Variants in ERVFRD-1 observed in about 807,000 individuals in gnomAD.
ERVFRD-1 encodes the protein syncytin-2.
A neutral mutation model predicts 43.8 loss-of-function variants in ERVFRD-1; 33 were observed. The observed-to-expected ratio is 0.75, with a 90% confidence interval of 0.57 to 1.01. The LOEUF (loss-of-function observed/expected upper bound fraction) is 1.01. ERVFRD-1 is among the 50% of genes least tolerant of loss of function. The probability of loss-of-function intolerance (pLI) is 0.00; values close to 1 mark genes in which losing one functional copy is unlikely to be tolerated. For synonymous variants in ERVFRD-1, 239 were observed against 244.4 expected (o/e 0.98, Z 0.21); for missense variants, 568 against 658.4 (o/e 0.86, Z 1.50).
At chr6:11,106,609 T>G (rs1180228551) in intron 1 of ERVFRD-1, among the ~76,000 whole-genome samples, 1 of 152,232 alleles carries the variant, frequency 6.6e-6, no homozygotes, top group African/African-American at 2.4e-5. Context: ...TCAATACCCA[T>G]GTTGGGTGGC....
intron 1 of ERVFRD-1, among the ~76,000 whole-genome samples, chr6:11,109,722 GC>G (rs1332396771): frequency 1.3e-5 from 2 of 152,068 alleles, no homozygotes; most frequent in Non-Finnish European, 2.9e-5. Flanking sequence ...TTCAACCCAG[GC>G]TGTATTACAG....
In ERVFRD-1 at chr6:11,105,281, G is replaced by C. The variant is rs528799043; in HGVS notation, c.30C>G (p.Leu10=). The part of the protein sequence containing the change: MGLLLLVLI[L]TPSLAAYRHP... ...GGCGGTAGGCTGCTAGTGAAGGCGT[G>C]AGAATGAGAACCAGCAGGAGCAGGC... The change falls in exon 2 of 2, where the codon CTC becomes CTG. Residue 10 remains leucine (L), a synonymous_variant. Transcript: ENST00000472091. 5.6e-4 allele frequency: 901 copies of C among 1,613,944 alleles called. 5 individuals are homozygous for C. The South Asian group carries it at 9.3e-3, about 17-fold the overall frequency.
At position 11,105,279 on chromosome 6, in the gene ERVFRD-1, G is replaced by T. The variant is rs755833391; in HGVS notation, c.32C>A (p.Thr11Lys). Reference protein sequence around the residue: MGLLLLVLILTPSLAAYRHPD... With the variant: MGLLLLVLILKPSLAAYRHPD... ...ATGGCGGTAGGCTGCTAGTGAAGGC[G>T]TGAGAATGAGAACCAGCAGGAGCAG... Residue 11 changes from threonine (T) to lysine (K), a missense_variant, in exon 2 of 2, where the codon ACG becomes AAG. By Grantham distance (78) the Thr-to-Lys change is moderately conservative (BLOSUM62 -1). Coordinates refer to ENST00000472091, the MANE Select transcript of ERVFRD-1 (RefSeq NM_207582.3). 64 of 1,613,832 alleles carry T rather than the reference G, an allele frequency of 4.0e-5. No individual in the cohort carries two copies. The highest frequency in any genetic ancestry group is 5.0e-5 in the Non-Finnish European group (59 of 1,179,924).
Position 11,104,303 on chromosome 6 carries a change from T to TG in ERVFRD-1, c.1007dup (p.Ile337AsnfsTer46). On this transcript the variant is annotated frameshift_variant, in exon 2 of 2. Transcript: ENST00000472091. LOFTEE classifies it high-confidence loss of function. ...ACGGGGAATTCCCATAGATTGGTAT[T>TG]GGAAGAGAGAGATTGCCAGGGGCTA... 1 of 1,551,678 alleles carries TG rather than the reference T, an allele frequency of 6.4e-7. No individual in the cohort carries two copies. Among genetic ancestry groups the TG allele is most frequent in the Non-Finnish European group, 8.7e-7 (1 of 1,146,998 alleles).
In ERVFRD-1 at chr6:11,110,729, C is replaced by G. The variant is rs116335509; in HGVS notation, c.-321+948G>C. ...GAAAGCCTTCATATGTTTGCAGAAA[C>G]AGCAGCCCTTGGATTTGAGAGGGCA... is the stretch of plus-strand genomic sequence containing the variant. On this transcript the variant is annotated intron_variant, in intron 1 of 1. Transcript: ENST00000472091. Among the ~76,000 whole-genome samples the G allele has an allele frequency of 2.8e-3, 421 of 152,290 alleles. 5 individuals carry two copies. Among genetic ancestry groups the G allele is most frequent in the African/African-American group, 9.3e-3 (385 of 41,556 alleles).
Position 11,103,790 on chromosome 6 carries a change from T to G in ERVFRD-1, c.1521A>C (p.Ile507=). Reference sequence around the variant, plus strand: ...GAAGGCGAGAGGAGACAAATTGGGTTATTAGATTTAGGAGACATGGACCAA... The same window carrying G: ...GAAGGCGAGAGGAGACAAATTGGGTGATTAGATTTAGGAGACATGGACCAA... ...LLFGPCLLNL[I]TQFVSSRLQA... The change falls in exon 2 of 2, where the codon ATA becomes ATC. Residue 507 remains isoleucine (I), a synonymous_variant. Coordinates refer to ENST00000472091, the MANE Select transcript of ERVFRD-1 (RefSeq NM_207582.3). 1 of 1,551,612 alleles carries G rather than the reference T, an allele frequency of 6.4e-7. No individual in the cohort carries two copies.
At position 11,105,049 on chromosome 6, in the gene ERVFRD-1, G is replaced by C. The variant is rs1250840939; in HGVS notation, c.262C>G (p.Pro88Ala). ...ACTGTTGAAAGAAGACTATTTGCAG[G>C]CCTCATCAGTCCTTTCAGATTAGGG... ...WDPNLKGLMR[P>A]ANSLLSTVKQ... is the part of the protein sequence containing the mutation. The change falls in exon 2 of 2, where the codon CCT becomes GCT. Residue 88 changes from proline (P) to alanine (A), a missense_variant. Coordinates refer to ENST00000472091, the MANE Select transcript of ERVFRD-1 (RefSeq NM_207582.3). 6.2e-7 allele frequency: 1 copy of C among 1,614,156 alleles called. No homozygotes were observed.
In ERVFRD-1 at chr6:11,103,546, G is replaced by T; in HGVS notation, c.*148C>A. 1 of 1,205,408 alleles carries T rather than the reference G, an allele frequency of 8.3e-7. No individual in the cohort carries two copies. Among genetic ancestry groups the T allele is most frequent in the Non-Finnish European group, 1.1e-6 (1 of 895,574 alleles). 74.7% of individuals were successfully genotyped at this position (1,205,408 alleles called of 1,614,324 possible). ...TCCTGCTGACAGAGGGGCTGTAGTG[G>T]TTGTTCTGTGGGTCTTGGCCTCTTG... On this transcript the variant is annotated 3_prime_UTR_variant, in exon 2 of 2. Coordinates refer to ENST00000472091, the MANE Select transcript of ERVFRD-1 (RefSeq NM_207582.3).
At chr6:11,108,568 G>T (rs569503696) in intron 1 of ERVFRD-1, among the ~76,000 whole-genome samples, 1 of 152,312 alleles carries the variant, frequency 6.6e-6, no homozygotes, top group South Asian at 2.1e-4. Context: ...CACAGAAGTA[G>T]CATTTGGGCA....
Position 11,104,023 on chromosome 6 carries a change from T to C in ERVFRD-1, c.1288A>G (p.Ile430Val), listed in dbSNP as rs367994433. Residue 430 changes from isoleucine to valine, a missense_variant, in exon 2 of 2, where the codon ATT becomes GTT. Physicochemically the swap from Ile to Val is conservative, Grantham distance 29. Coordinates refer to ENST00000472091, the MANE Select transcript of ERVFRD-1 (RefSeq NM_207582.3). ...LDMLTAAQGG[I>V]CLALDEKCCF... Reference sequence around the variant, plus strand: ...CATTTTTCATCTAAGGCCAAACAAATTCCTCCCTGTGCTGCCGTTAACATG... The same window carrying C: ...CATTTTTCATCTAAGGCCAAACAAACTCCTCCCTGTGCTGCCGTTAACATG... 6 of 1,551,580 alleles carry C rather than the reference T, an allele frequency of 3.9e-6. No homozygotes were observed. Among genetic ancestry groups the C allele is most frequent in the Non-Finnish European group, 4.4e-6 (5 of 1,147,000 alleles).
At position 11,105,138 on chromosome 6, in the gene ERVFRD-1, T is replaced by A; in HGVS notation, c.173A>T (p.Tyr58Phe). ...TGTCCATTCTCTGGGCGAGGCTGGA[T>A]AAGCTGTCCCTGGTGTTTCAGTGGA... ...SSSTETPGTAYPASPREWTSI... is the reference protein window; with the variant it reads ...SSSTETPGTAFPASPREWTSI... The change falls in exon 2 of 2, where the codon TAT becomes TTT. Residue 58 changes from tyrosine (Y) to phenylalanine (F), a missense_variant. Physicochemically the swap from Tyr to Phe is conservative, Grantham distance 22 (BLOSUM62 3). Transcript: ENST00000472091. The A allele has an allele frequency of 1.9e-6, 3 of 1,614,236 alleles. No homozygotes were observed. The highest frequency in any genetic ancestry group is 2.5e-6 in the Non-Finnish European group (3 of 1,180,042).
At position 11,105,291 on chromosome 6, in the gene ERVFRD-1, AC is replaced by A. The variant is rs1758068683; in HGVS notation, c.19del (p.Val7PhefsTer8). 2.5e-6 allele frequency: 4 copies of A among 1,613,526 alleles called. No homozygotes were observed. The highest frequency in any genetic ancestry group is 2.5e-6 in the Non-Finnish European group (3 of 1,179,754). The part of the protein sequence containing the change: MGLLLL[V>X]LILTPSLAAY... ...TGCTAGTGAAGGCGTGAGAATGAGA[AC>A]CAGCAGGAGCAGGCCCATGGTGACC... On this transcript the variant is annotated frameshift_variant, in exon 2 of 2. Coordinates refer to ENST00000472091, the MANE Select transcript of ERVFRD-1 (RefSeq NM_207582.3). LOFTEE classifies it high-confidence loss of function.
intron 1 of ERVFRD-1, among the ~76,000 whole-genome samples, chr6:11,106,047 T>C (rs1258715748): frequency 6.6e-6 from 1 of 152,164 alleles, no homozygotes; most frequent in Non-Finnish European, 1.5e-5. Context: ...CCACTTTTCC[T>C]GAAGATTACA....
In ERVFRD-1 at chr6:11,103,458, C is replaced by A. The variant is rs34937009; in HGVS notation, c.*236G>T. The stretch of plus-strand genomic sequence containing the variant: ...AGCTACCTGCTCCAACATTTCCCCC[C>A]CTCAAGAGTCCAAGACCCAATTATC... On this transcript the variant is annotated 3_prime_UTR_variant, in exon 2 of 2. Coordinates refer to ENST00000472091, the MANE Select transcript of ERVFRD-1 (RefSeq NM_207582.3). The A allele has an allele frequency of 0.025, 13,327 of 539,274 alleles. 231 individuals carry two copies. The highest frequency in any genetic ancestry group is 0.047 in the South Asian group (1,054 of 22,206). The allele number at this position is 539,274 out of a possible 1,614,324, so 33.4% of individuals were successfully genotyped here.
chr6:11,109,381 A>T (rs1331412433), intron 1 of ERVFRD-1, among the ~76,000 whole-genome samples: 1 of 152,078 alleles, frequency 6.6e-6, no homozygotes, highest in Non-Finnish European at 1.5e-5. Context: ...TAACTTAAGG[A>T]GGTGGTGTCC....
Position 11,104,264 on chromosome 6 carries a change from C to T in ERVFRD-1, c.1047G>A (p.Arg349=), listed in dbSNP as rs571388435. Residue 349 remains arginine (R), a synonymous_variant, in exon 2 of 2, where the codon AGG becomes AGA. Transcript: ENST00000472091. ...GAAGGGGAATGAAATGGATTGCCCT[C>T]CTCACCCTGGGCAACGGGGAATTCC... ...IYGNSPLPRV[R]RAIHFIPLLA... The T allele has an allele frequency of 5.2e-6, 8 of 1,551,680 alleles. No homozygotes were observed. The highest frequency in any genetic ancestry group is 4.1e-5 in the African/African-American group (3 of 73,138).
Position 11,105,257 on chromosome 6 carries a change from G to A in ERVFRD-1, c.54C>T (p.Arg18=). 6.2e-7 allele frequency: 1 copy of A among 1,614,148 alleles called. No homozygotes were observed. Among genetic ancestry groups the A allele is most frequent in the East Asian group, 2.2e-5 (1 of 44,874 alleles). The change falls in exon 2 of 2, where the codon CGC becomes CGT. Residue 18 remains arginine (R), a synonymous_variant. Coordinates refer to ENST00000472091, the MANE Select transcript of ERVFRD-1 (RefSeq NM_207582.3). ...LILTPSLAAY[R]HPDFPLLEKA... is the part of the protein sequence containing the mutation. The stretch of plus-strand genomic sequence containing the variant: ...TTTCCAATAACGGGAAATCAGGATG[G>A]CGGTAGGCTGCTAGTGAAGGCGTGA...
In ERVFRD-1 at chr6:11,103,703, TG is replaced by T; in HGVS notation, c.1607del (p.Ser536TyrfsTer8). ...AGTCTAGGGGTCCTCCTTAGAAGGG[TG>T]ACTCTTGAATATTGCGAGGATGGCG... Reference protein sequence around the residue: ...AGRHPRNIQESPF With the variant: ...AGRHPRNIQEXPF On this transcript the variant is annotated frameshift_variant, in exon 2 of 2. Coordinates refer to ENST00000472091, the MANE Select transcript of ERVFRD-1 (RefSeq NM_207582.3). LOFTEE classifies it high-confidence loss of function. 6.5e-7 allele frequency: 1 copy of T among 1,550,106 alleles called. No homozygotes were observed. Among genetic ancestry groups the T allele is most frequent in the Non-Finnish European group, 8.7e-7 (1 of 1,146,160 alleles).
chr6:11,104,062 G>A lies in ERVFRD-1; in HGVS notation c.1249C>T (p.Arg417Cys), dbSNP rs1400173177. The change falls in exon 2 of 2, where the codon CGT (arginine) becomes TGT (cysteine). Residue 417 changes from arginine (R) to cysteine (C), a missense_variant. Transcript: ENST00000472091. ...DSLAAVVLQN[R>C]RGLDMLTAAQ... ...GCCGTTAACATGTCTAGTCCTCGACGATTTTGAAGGACTACGGCTGCTAAA... is the reference window on the plus strand; with the variant it reads ...GCCGTTAACATGTCTAGTCCTCGACAATTTTGAAGGACTACGGCTGCTAAA... 1.3e-6 allele frequency: 2 copies of A among 1,551,610 alleles called. No homozygotes were observed. The highest frequency in any genetic ancestry group is 2.4e-5 in the East Asian group (1 of 40,930).
Sources: allele counts gnomAD v4.1 joint callset (sites outside exome capture counted in the v4.1 genomes callset), GRCh38; gene constraint gnomAD v4.1.1; transcripts MANE v1.5; gene names NCBI Gene and HGNC (gene_info 2026-07-23, HGNC 2026-07-21).